PLD5: variants seen among roughly 807,000 people sequenced by gnomAD.
PLD5 encodes inactive phospholipase D5.
A neutral mutation model predicts 61.1 loss-of-function variants in PLD5; 36 were observed. That is an observed-to-expected ratio of 0.59 (90% CI 0.45 to 0.78). The LOEUF is 0.78. Among genes scored for constraint, PLD5 ranks in the 30% least tolerant of loss-of-function variants. PLD5 has a pLI of 0.00. For missense variants in PLD5, 515 were observed against 644.4 expected, an observed-to-expected ratio of 0.80 and a Z score of 2.17; for synonymous variants, 243 against 242.8, an observed-to-expected ratio of 1.00 and a Z score of -0.01.
At chr1:242,304,021 A>T (rs953226425) in intron 2 of PLD5, among the ~76,000 whole-genome samples, 1 of 152,192 alleles carries the variant, frequency 6.6e-6, no homozygotes, top group Non-Finnish European at 1.5e-5. Flanking sequence ...TGAGAAGCTG[A>T]CTGATGGCTA....
At chr1:242,168,846 G>GTTTTTTTATTTTTTTTTTT (rs1666520219) in intron 5 of PLD5, among the ~76,000 whole-genome samples, 1 of 111,266 alleles carries the variant, frequency 9.0e-6, no homozygotes. Context: ...AATTAATGAA[G>GTTTTTTTATTTTTTTTTTT]TTTTTTTTTT....
intron 1 of PLD5, among the ~76,000 whole-genome samples, chr1:242,471,878 T>C (rs1262836069): frequency 6.6e-6 from 1 of 152,202 alleles, no homozygotes; most frequent in Non-Finnish European, 1.5e-5. Context: ...CTGTTAGCTA[T>C]CCCAGTTTAT....
intron 4 of PLD5, among the ~76,000 whole-genome samples, chr1:242,231,117 G>A (rs1486363804): frequency 6.6e-6 from 1 of 152,100 alleles, no homozygotes; most frequent in East Asian, 1.9e-4. Context: ...CACTTAAAAC[G>A]GATCAGCAAG....
intron 1 of PLD5, among the ~76,000 whole-genome samples, chr1:242,353,514 A>G (rs2266318): frequency 5.3e-5 from 8 of 152,254 alleles, no homozygotes; most frequent in African/African-American, 1.9e-4. Context: ...AGAGTTTTTT[A>G]TGGTTCCATA....
chr1:242,277,918 G>A (rs1370034247), intron 3 of PLD5, among the ~76,000 whole-genome samples: 1 of 152,196 alleles, frequency 6.6e-6, no homozygotes, highest in Non-Finnish European at 1.5e-5. Flanking sequence ...GGGAGATGGA[G>A]GTTGCAGTGA....
chr1:242,189,643 A>C (rs1273443138), intron 5 of PLD5, among the ~76,000 whole-genome samples: 9 of 152,182 alleles, frequency 5.9e-5, no homozygotes, highest in Non-Finnish European at 1.3e-4. Context: ...GACAAGCGAT[A>C]AACAACTGCA....
chr1:242,491,425 A>C (rs1435046295), intron 1 of PLD5, among the ~76,000 whole-genome samples: 1 of 152,238 alleles, frequency 6.6e-6, no homozygotes, highest in Non-Finnish European at 1.5e-5. Context: ...AATTACATAG[A>C]TGCCTTAGAA....
intron 1 of PLD5, among the ~76,000 whole-genome samples, chr1:242,354,810 TTGAG>T (rs1318553168): frequency 6.7e-6 from 1 of 149,916 alleles, no homozygotes; most frequent in Non-Finnish European, 1.5e-5. Flanking sequence ...TATATACAAT[TTGAG>T]TGTTTTTTTT....
intron 1 of PLD5, among the ~76,000 whole-genome samples, chr1:242,460,711 C>T (rs985759207): frequency 3.3e-5 from 5 of 152,046 alleles, no homozygotes; most frequent in African/African-American, 1.2e-4. Flanking sequence ...AGAATGAGCA[C>T]ACTTCTGAAT....
chr1:242,369,987 T>C (rs1661545737), intron 1 of PLD5, among the ~76,000 whole-genome samples: 1 of 152,172 alleles, frequency 6.6e-6, no homozygotes, highest in African/African-American at 2.4e-5. Flanking sequence ...ACCCTCCATT[T>C]TATGTTTTTC....
intron 5 of PLD5, among the ~76,000 whole-genome samples, chr1:242,205,674 C>T (rs1463895369): frequency 1.3e-5 from 2 of 152,122 alleles, no homozygotes; most frequent in African/African-American, 4.8e-5. Flanking sequence ...GTTCTGGTAT[C>T]CAGTTACCTG....
intron 5 of PLD5, among the ~76,000 whole-genome samples, chr1:242,191,150 A>G (rs1252692925): frequency 6.9e-6 from 1 of 144,198 alleles, no homozygotes; most frequent in African/African-American, 2.6e-5. Flanking sequence ...TTTTCCTTTG[A>G]GGATCTGTAA....
intron 1 of PLD5, among the ~76,000 whole-genome samples, chr1:242,391,975 C>T (rs748214924): frequency 1.3e-5 from 2 of 152,154 alleles, no homozygotes; most frequent in African/African-American, 4.8e-5. Flanking sequence ...ATTGCAGCAC[C>T]ATTCACAATA....
chr1:242,402,049 C>A (rs1663964329), intron 1 of PLD5, among the ~76,000 whole-genome samples: 1 of 152,208 alleles, frequency 6.6e-6, no homozygotes, highest in African/African-American at 2.4e-5. Flanking sequence ...TGCTTCTGTT[C>A]TTCCAAGGCC....
At chr1:242,195,649 C>T (rs1032219063) in intron 5 of PLD5, among the ~76,000 whole-genome samples, 17 of 152,174 alleles carry the variant, frequency 1.1e-4, no homozygotes, top group African/African-American at 3.6e-4. Flanking sequence ...GCCAGCTCCT[C>T]GGCCACTGCC....
At position 242,479,923 on chromosome 1, in the gene PLD5, C is replaced by T. The variant is rs775847107; in HGVS notation, c.189+44165G>A. Among the ~76,000 whole-genome samples the T allele has an allele frequency of 1.2e-4, 18 of 151,518 alleles. No homozygotes were observed. In the East Asian group the frequency reaches 1.4e-3, roughly 11 times the overall value. ...AAAATTCACCAGGCATGTTGGTGTG[C>T]GCCTGTAGTCCCAGCTACTTGGGAG... On this transcript the variant is annotated intron_variant, in intron 1 of 9. Transcript: ENST00000536534.
chr1:242,223,427 T>G (rs1670728822), intron 4 of PLD5, among the ~76,000 whole-genome samples: 1 of 152,012 alleles, frequency 6.6e-6, no homozygotes, highest in South Asian at 2.1e-4. Flanking sequence ...GAAAGTGGAG[T>G]CCTTACTGCT....
At chr1:242,258,863 T>C (rs1419537901) in intron 4 of PLD5, among the ~76,000 whole-genome samples, 1 of 152,202 alleles carries the variant, frequency 6.6e-6, no homozygotes, top group Admixed American at 6.5e-5. Flanking sequence ...TTGCAAAAAG[T>C]GATTCAGAAA....
At chr1:242,153,126 CAT>C (rs1230056289) in intron 5 of PLD5, among the ~76,000 whole-genome samples, 13 of 150,250 alleles carry the variant, frequency 8.7e-5, no homozygotes, top group Admixed American at 3.3e-4. Flanking sequence ...AGCATTTATT[CAT>C]ATGTTTGTTG....
Sources: allele counts gnomAD v4.1 joint callset (sites outside exome capture counted in the v4.1 genomes callset), GRCh38; gene constraint gnomAD v4.1.1; transcripts MANE v1.5; gene names NCBI Gene and HGNC (gene_info 2026-07-23, HGNC 2026-07-21).